LDAF1: variants seen among roughly 807,000 people sequenced by gnomAD.
The protein encoded by LDAF1 is lipid droplet assembly factor 1.
Under a neutral mutation model 13.5 loss-of-function variants are expected in LDAF1, and 7 were observed. The observed-to-expected ratio is 0.52, with a 90% CI of 0.29 to 0.97. The LOEUF (loss-of-function observed/expected upper bound fraction) is 0.97. Ranked by LOEUF, LDAF1 falls within the 50% of genes least tolerant of loss-of-function variation. The pLI is 0.07. For synonymous variants in LDAF1, 69 were observed against 77.1 expected (o/e 0.89, Z 0.55); for missense variants, 148 against 193.2 (o/e 0.77, Z 1.39).
At chr16:21,177,743 G>A (rs999891073) in intron 4 of LDAF1, among the ~76,000 whole-genome samples, 5 of 148,434 alleles carry the variant, frequency 3.4e-5, no homozygotes, top group Non-Finnish European at 5.9e-5. Flanking sequence ...TCAGCCTCCC[G>A]AGTAGCTGGG....
At chr16:21,163,598 T>A (rs2092996947) in intron 2 of LDAF1, among the ~76,000 whole-genome samples, 1 of 152,036 alleles carries the variant, frequency 6.6e-6, no homozygotes, top group Non-Finnish European at 1.5e-5. Flanking sequence ...GGAGCCAAGA[T>A]CACACCACTG....
intron 2 of LDAF1, among the ~76,000 whole-genome samples, chr16:21,166,111 C>T (rs761862604): frequency 3.3e-5 from 5 of 152,168 alleles, no homozygotes; most frequent in Non-Finnish European, 5.9e-5. Context: ...ATCTGCCCAC[C>T]TCAGCCTCCC....
intron 2 of LDAF1, among the ~76,000 whole-genome samples, chr16:21,168,345 A>C (rs569640518): frequency 1.3e-5 from 2 of 152,102 alleles, no homozygotes; most frequent in South Asian, 4.1e-4. Flanking sequence ...AGATTTTGCC[A>C]CTTGGAGGCT....
rs983454554 is a variant in LDAF1, at chr16:21,158,690, T to C, written c.-155T>C. 1.3e-5 allele frequency: 2 copies of C among 152,856 alleles called. No individual in the cohort carries two copies. Among genetic ancestry groups the C allele is most frequent in the African/African-American group, 4.8e-5 (2 of 41,440 alleles). The allele number at this position is 152,856 out of a possible 1,614,324, so 9.5% of individuals were successfully genotyped here. On this transcript the variant is annotated 5_prime_UTR_variant, in exon 1 of 5. Coordinates refer to ENST00000233047, the MANE Select transcript of LDAF1 (RefSeq NM_001301771.2). ...TCCTTCTTCCTCTTGTTCCTCCTCCTGCCTCTCTTCGCTTCGCCTGCAAAC... is the reference window on the plus strand; with the variant it reads ...TCCTTCTTCCTCTTGTTCCTCCTCCCGCCTCTCTTCGCTTCGCCTGCAAAC...
At chr16:21,168,194 TA>T (rs1230913872) in intron 2 of LDAF1, among the ~76,000 whole-genome samples, 2 of 151,620 alleles carry the variant, frequency 1.3e-5, no homozygotes, top group African/African-American at 4.8e-5. Flanking sequence ...TTTGTATGTT[TA>T]AAAGAGACAG....
chr16:21,166,017 G>A (rs763470629), intron 2 of LDAF1, among the ~76,000 whole-genome samples: 5 of 151,864 alleles, frequency 3.3e-5, no homozygotes, highest in Non-Finnish European at 7.4e-5. Flanking sequence ...GCACCACTCT[G>A]CCTGACTAAT....
intron 3 of LDAF1, among the ~76,000 whole-genome samples, chr16:21,171,966 G>A (rs1179385680): frequency 4.0e-5 from 6 of 151,834 alleles, no homozygotes; most frequent in East Asian, 2.0e-4. Context: ...TTGAGCTCCC[G>A]ACCTCAAGTG....
At chr16:21,161,356 C>G in intron 2 of LDAF1, 78 bp downstream of exon 2, 1 of 1,512,934 alleles carries the variant, frequency 6.6e-7, no homozygotes. Context: ...TTATTTCTTT[C>G]TCCAGTAGAA....
At chr16:21,170,334 G>C in intron 2 of LDAF1, 103 bp from the exon 3 acceptor site, 1 of 1,565,284 alleles carries the variant, frequency 6.4e-7, no homozygotes. Context: ...AAGCCTTCTG[G>C]CTTTACGACT....
Position 21,161,156 on chromosome 16 carries a change from C to A in LDAF1, c.-27C>A. The A allele has an allele frequency of 6.2e-7, 1 of 1,613,184 alleles. No individual in the cohort carries two copies. Among genetic ancestry groups the A allele is most frequent in the East Asian group, 2.2e-5 (1 of 44,874 alleles). On this transcript the variant is annotated 5_prime_UTR_variant, in exon 2 of 5. Transcript: ENST00000233047. Reference sequence around the variant, plus strand: ...GAATTTACTGGTAGGATAATTCATCCCTAAAGAGATTGAAGTGAGCTTCAG... The same window carrying A: ...GAATTTACTGGTAGGATAATTCATCACTAAAGAGATTGAAGTGAGCTTCAG...
chr16:21,160,260 A>ATT (rs35455785), intron 1 of LDAF1, among the ~76,000 whole-genome samples: 4 of 150,706 alleles, frequency 2.7e-5, no homozygotes, highest in South Asian at 2.1e-4. Flanking sequence ...AATAAGAATG[A>ATT]TTTTTTTTTT....
chr16:21,165,526 C>G, intron 2 of LDAF1: 3 of 935,398 alleles, frequency 3.2e-6, no homozygotes, highest in Non-Finnish European at 3.8e-6. Flanking sequence ...TGTATTCCTT[C>G]TTTTGTCATT....
chr16:21,175,866 A>G (rs1238615739), intron 4 of LDAF1, among the ~76,000 whole-genome samples: 2 of 152,104 alleles, frequency 1.3e-5, no homozygotes, highest in African/African-American at 4.8e-5. Context: ...AGTCATAATC[A>G]CCTTTTCAAA....
chr16:21,176,928 T>C (rs1167268407), intron 4 of LDAF1, among the ~76,000 whole-genome samples: 1 of 151,564 alleles, frequency 6.6e-6, no homozygotes, highest in African/African-American at 2.4e-5. Context: ...ATATTAATAA[T>C]TATTTCTTTT....
chr16:21,170,484 T>A lies in LDAF1; in HGVS notation c.144T>A (p.His48Gln), dbSNP rs749458673. The A allele has an allele frequency of 5.6e-6, 9 of 1,614,036 alleles. No individual in the cohort carries two copies. The highest frequency in any genetic ancestry group is 7.6e-6 in the Non-Finnish European group (9 of 1,180,032). The change falls in exon 3 of 5, where the codon CAT becomes CAA. Residue 48 changes from histidine (H) to glutamine (Q), a missense_variant. Physicochemically the swap from His to Gln is conservative, Grantham distance 24 (BLOSUM62 0). Coordinates refer to ENST00000233047, the MANE Select transcript of LDAF1 (RefSeq NM_001301771.2). ...KSPVGQYLDSHPFLAFTLLVF... is the reference protein window; with the variant it reads ...KSPVGQYLDSQPFLAFTLLVF... ...CAGTGGGTCAGTACTTGGACAGCCA[T>A]CCGTTTCTGGCCTTCACCTTGCTGG...
At chr16:21,161,513 G>T (rs1202577603) in intron 2 of LDAF1, among the ~76,000 whole-genome samples, 1 of 152,212 alleles carries the variant, frequency 6.6e-6, no homozygotes, top group African/African-American at 2.4e-5. Context: ...GAGGGGGGAA[G>T]AGAGAAGTGC....
rs1597524354 is a variant in LDAF1 at position 21,160,845 on chromosome 16, T to A, written c.-98-240T>A. 3 of 249,574 alleles carry A rather than the reference T, an allele frequency of 1.2e-5. No individual in the cohort carries two copies. In the East Asian group the frequency reaches 2.6e-4, roughly 22 times the overall value. The allele number at this position is 249,574 out of a possible 1,614,324, so 15.5% of individuals were successfully genotyped here. A position where few individuals can be genotyped will look rare whatever the true frequency, so the allele number is the denominator to read the frequency against. On this transcript the variant is annotated intron_variant, in intron 1 of 4. Transcript: ENST00000233047. ...CAATGTTTTGCTAGTCATTATATGT[T>A]ATAAACAGGGATGCAATGCACAGCC...
intron 2 of LDAF1, among the ~76,000 whole-genome samples, chr16:21,161,545 G>C (rs1192038482): frequency 6.6e-6 from 1 of 152,194 alleles, no homozygotes. Context: ...AATTTAAGGA[G>C]ACTTCTGGGA....
intron 4 of LDAF1, among the ~76,000 whole-genome samples, chr16:21,175,574 G>A (rs1047933985): frequency 1.1e-4 from 16 of 152,348 alleles, no homozygotes; most frequent in South Asian, 6.2e-4. Context: ...CTCTGTTGCC[G>A]TAGCATGAAG....
Sources: allele counts gnomAD v4.1 joint callset (sites outside exome capture counted in the v4.1 genomes callset), GRCh38; gene constraint gnomAD v4.1.1; transcripts MANE v1.5; gene names NCBI Gene and HGNC (gene_info 2026-07-23, HGNC 2026-07-21).